The following DCAF1 variants were observed in gnomAD, a reference collection of about 807,000 sequenced individuals.
DCAF1 encodes DDB1 and CUL4 associated factor 1.
Under a neutral mutation model 128.0 loss-of-function variants are expected in DCAF1, and 15 were observed. The ratio of observed to expected loss-of-function variants is 0.12; its 90% CI spans 0.08 to 0.18. The LOEUF is 0.18. Ranked by LOEUF, DCAF1 falls within the 10% of genes least tolerant of loss-of-function variation. The pLI, the probability that DCAF1 is intolerant of heterozygous loss-of-function variation, is 1.00. For synonymous variants in DCAF1, 610 were observed against 603.0 expected (o/e 1.01, Z -0.17); for missense variants, 988 against 1,649.5 (o/e 0.60, Z 6.95).
chr3:51,445,029 C>T (rs1178143604), intron 6 of DCAF1, among the ~76,000 whole-genome samples: 20 of 152,174 alleles, frequency 1.3e-4, no homozygotes, highest in Non-Finnish European at 2.5e-4. Context: ...TATAAACATG[C>T]GTGGTCCAAA....
chr3:51,494,281 CT>C (rs1301358672), intron 2 of DCAF1, among the ~76,000 whole-genome samples: 1 of 151,656 alleles, frequency 6.6e-6, no homozygotes, highest in African/African-American at 2.4e-5. Flanking sequence ...CACCCGGCTA[CT>C]TTTTTGTATT....
chr3:51,428,035 G>A (rs550674862), intron 12 of DCAF1, among the ~76,000 whole-genome samples: 3 of 152,232 alleles, frequency 2.0e-5, no homozygotes, highest in Admixed American at 2.0e-4. Context: ...GCCCATATGT[G>A]AAGTAATGAC....
upstream of DCAF1, among the ~76,000 whole-genome samples, chr3:51,504,666 AAGACCATTCTACAGGATTCAGGGAAT>A (rs1305809925): frequency 6.6e-6 from 1 of 152,106 alleles, no homozygotes; most frequent in African/African-American, 2.4e-5. Context: ...GATTTTTAGA[AAGACCATTCTACAGGATTCAGGGAAT>A]AGACCATTCT....
At chr3:51,412,546 C>A (rs1476432949) in intron 22 of DCAF1, 66 bp from the exon 23 acceptor site, 1 of 1,604,424 alleles carries the variant, frequency 6.2e-7, no homozygotes. Context: ...CACGCCTCAG[C>A]CCTGACTGGT....
At position 51,441,069 on chromosome 3, in the gene DCAF1, T is replaced by C. The variant is rs782129844; in HGVS notation, c.1029A>G (p.Leu343=). ...YLTPLGEYQE[L]LPIFMQLGSR... is the part of the protein sequence containing the mutation. ...ATCCAAGTTGCATGAATATGGGAAG[T>C]AGCTGAAATGAACACCAAATACAAG... Residue 343 remains leucine, a splice_region_variant and synonymous_variant, in exon 9 of 25, where the codon CTA becomes CTG. Transcript: ENST00000684031. 5.6e-6 allele frequency: 9 copies of C among 1,608,934 alleles called. No homozygotes were observed. The highest frequency in any genetic ancestry group is 7.6e-6 in the Non-Finnish European group (9 of 1,177,542).
rs1698570241 is a variant in DCAF1, at chr3:51,413,010, A to G, written c.4093T>C (p.Tyr1365His). The G allele has an allele frequency of 1.2e-6, 2 of 1,613,998 alleles. No individual in the cohort carries two copies. Among genetic ancestry groups the G allele is most frequent in the Non-Finnish European group, 1.7e-6 (2 of 1,179,868 alleles). ...CCCTTTACCTCAATGACAGCAAGAT[A>G]GCAGTCTTTGGTGTCTGTACACAGG... ...FDLCTDTKDCYLAVIENQGSM... is the reference protein window; with the variant it reads ...FDLCTDTKDCHLAVIENQGSM... Residue 1365 changes from tyrosine (Y) to histidine (H), a missense_variant, in exon 22 of 25, where the codon TAT (tyrosine) becomes CAT (histidine). Tyr to His is a moderately conservative substitution (Grantham distance 83, BLOSUM62 2). Around this residue, in one of 11 missense-constraint regions of DCAF1, gnomAD observed 85 missense variants for 204.6 expected, o/e 0.42. Coordinates refer to ENST00000684031, the MANE Select transcript of DCAF1 (RefSeq NM_001387579.1).
intron 12 of DCAF1, among the ~76,000 whole-genome samples, chr3:51,428,412 A>C (rs1293761289): frequency 1.0e-4 from 15 of 147,978 alleles, no homozygotes. Flanking sequence ...GCAGTCTTGA[A>C]CTCCTGGGTT....
intron 6 of DCAF1, among the ~76,000 whole-genome samples, chr3:51,452,635 G>C (rs1471473145): frequency 6.6e-6 from 1 of 152,056 alleles, no homozygotes; most frequent in Non-Finnish European, 1.5e-5. Context: ...CTTCTTTCTA[G>C]ATCTACAATG....
chr3:51,428,236 C>T (rs1229974862), intron 12 of DCAF1, among the ~76,000 whole-genome samples: 1 of 151,628 alleles, frequency 6.6e-6, no homozygotes, highest in Non-Finnish European at 1.5e-5. Flanking sequence ...GACTGGAGTG[C>T]CATAGCCCGA....
chr3:51,398,977 G>C, intron 24 of DCAF1, 150 bp from the exon 25 acceptor site: 1 of 1,026,086 alleles, frequency 9.7e-7, no homozygotes. Flanking sequence ...TAACTCCTTG[G>C]AGCTGGCTCT....
intron 23 of DCAF1, among the ~76,000 whole-genome samples, chr3:51,404,233 C>T (rs10510758): frequency 2.0e-5 from 3 of 152,230 alleles, no homozygotes; most frequent in Admixed American, 1.3e-4. Flanking sequence ...TCCAAGTAAA[C>T]GTAGCTGCCA....
In DCAF1 at chr3:51,430,238, T is replaced by C. The variant is rs1420648192; in HGVS notation, c.1288-26A>G. ...CTGCAAAAAAATACAAATAAAACAA[T>C]GCTTTTAAATTGTGGGCAAAGGAGC... On this transcript the variant is annotated intron_variant, in intron 10 of 24. Coordinates refer to ENST00000684031, the MANE Select transcript of DCAF1 (RefSeq NM_001387579.1). 5 of 765,174 alleles carry C rather than the reference T, an allele frequency of 6.5e-6. No individual in the cohort carries two copies. The Admixed American group carries it at 8.7e-5, about 13-fold the overall frequency. The allele number at this position is 765,174 out of a possible 1,614,324, so 47.4% of individuals were successfully genotyped here. A position where few individuals can be genotyped will look rare whatever the true frequency, so the allele number is the denominator to read the frequency against.
intron 13 of DCAF1, among the ~76,000 whole-genome samples, chr3:51,422,792 G>A (rs148778974): frequency 2.6e-5 from 4 of 152,216 alleles, no homozygotes; most frequent in East Asian, 1.9e-4. Flanking sequence ...GGCCAGGCAC[G>A]GTGGCTCAAG....
intron 23 of DCAF1, among the ~76,000 whole-genome samples, chr3:51,409,923 A>G (rs1206240233): frequency 6.6e-6 from 1 of 152,218 alleles, no homozygotes; most frequent in African/African-American, 2.4e-5. Flanking sequence ...AGCACTCAAG[A>G]AAACACTAAA....
rs1438321345 is a variant in DCAF1 at position 51,489,024 on chromosome 3, T to C, written c.-8-5188A>G. 4.6e-5 allele frequency among the ~76,000 whole-genome samples: 7 copies of C among 152,058 alleles called. No homozygotes were observed. The East Asian group carries it at 5.8e-4, about 13-fold the overall frequency. ...GGAACGGAAGAGACCTTCTAGAACA[T>C]GATAAAGGGGATTATGAACAACACT... On this transcript the variant is annotated intron_variant, in intron 2 of 24. Transcript: ENST00000684031.
At chr3:51,471,064 T>C (rs80164830) in intron 3 of DCAF1, 59 bp from the exon 4 acceptor site, 1 of 990,984 alleles carries the variant, frequency 1.0e-6, no homozygotes. Context: ...GGACCACCAC[T>C]ACAACAGTCA....
intron 6 of DCAF1, among the ~76,000 whole-genome samples, chr3:51,444,296 C>T (rs767025776): frequency 2.0e-5 from 3 of 151,764 alleles, no homozygotes; most frequent in Non-Finnish European, 4.4e-5. Flanking sequence ...AATATATTAA[C>T]GTTCTGAGAG....
intron 2 of DCAF1, among the ~76,000 whole-genome samples, chr3:51,487,907 C>T (rs531714454): frequency 6.6e-6 from 1 of 152,032 alleles, no homozygotes; most frequent in East Asian, 1.9e-4. Flanking sequence ...CTCTGTCGCC[C>T]AGACTGGAGT....
chr3:51,480,125 A>AAAAT (rs1553652260), intron 3 of DCAF1, among the ~76,000 whole-genome samples: 1 of 148,186 alleles, frequency 6.7e-6, no homozygotes, highest in East Asian at 2.0e-4. Flanking sequence ...AAAAAAAAAA[A>AAAAT]TTTTTTTTAA....
Sources: allele counts gnomAD v4.1 joint callset (sites outside exome capture counted in the v4.1 genomes callset), GRCh38; gene constraint gnomAD v4.1.1; regional missense constraint gnomAD v4.1.1; transcripts MANE v1.5; gene names NCBI Gene and HGNC (gene_info 2026-07-23, HGNC 2026-07-21).